ROBO1: variants seen among roughly 807,000 people sequenced by gnomAD.
ROBO1 encodes roundabout homolog 1.
Under a neutral mutation model 195.9 loss-of-function variants are expected in ROBO1, and 149 were observed. The ratio of observed to expected loss-of-function variants is 0.76; its 90% CI spans 0.67 to 0.87. The LOEUF (loss-of-function observed/expected upper bound fraction) is 0.87, where lower values mean the gene tolerates loss of function less well. Among genes scored for constraint, ROBO1 ranks in the 40% least tolerant of loss-of-function variants. The pLI is 0.00. For missense variants in ROBO1, 1,933 were observed against 2,068.3 expected (o/e 0.93, Z 1.27); for synonymous variants, 816 against 733.2 (o/e 1.11, Z -1.82).
chr3:78,765,902 T>C (rs955134341), intron 4 of ROBO1, among the ~76,000 whole-genome samples: 3 of 152,188 alleles, frequency 2.0e-5, no homozygotes, highest in African/African-American at 4.8e-5. Context: ...TTAAACTTAA[T>C]CATCTGCTGA....
chr3:79,144,124 T>C (rs1293235026), intron 2 of ROBO1, among the ~76,000 whole-genome samples: 4 of 152,098 alleles, frequency 2.6e-5, no homozygotes, highest in African/African-American at 9.7e-5. Flanking sequence ...ATGTGGGTAG[T>C]TTCCAGTTTT....
At chr3:79,220,642 G>A (rs938169735) in intron 2 of ROBO1, among the ~76,000 whole-genome samples, 8 of 151,890 alleles carry the variant, frequency 5.3e-5, no homozygotes, top group Non-Finnish European at 1.2e-4. Flanking sequence ...CCAGGAAGGA[G>A]CCCAGTTTTG....
intron 3 of ROBO1, among the ~76,000 whole-genome samples, chr3:78,943,747 T>C (rs912630398): frequency 6.6e-6 from 1 of 152,184 alleles, no homozygotes; most frequent in Non-Finnish European, 1.5e-5. Flanking sequence ...AGAGAAAATA[T>C]ACACTATCAA....
intron 1 of ROBO1, among the ~76,000 whole-genome samples, chr3:79,668,686 T>C (rs576394605): frequency 1.3e-5 from 2 of 151,666 alleles, no homozygotes; most frequent in South Asian, 4.2e-4. Flanking sequence ...ACACGCATTA[T>C]ACATGTATAT....
chr3:79,572,265 A>T (rs1297499516), intron 2 of ROBO1, among the ~76,000 whole-genome samples: 3 of 152,094 alleles, frequency 2.0e-5, no homozygotes, highest in African/African-American at 7.2e-5. Context: ...TAAATATTCA[A>T]AATTCAATGA....
chr3:78,605,224 C>T (rs1478963850), intron 29 of ROBO1, among the ~76,000 whole-genome samples: 1 of 152,170 alleles, frequency 6.6e-6, no homozygotes, highest in African/African-American at 2.4e-5. Flanking sequence ...CTTTATAGGA[C>T]ACTATTTTCA....
chr3:79,677,473 A>G (rs1278685532), intron 1 of ROBO1, among the ~76,000 whole-genome samples: 1 of 152,036 alleles, frequency 6.6e-6, no homozygotes, highest in Non-Finnish European at 1.5e-5. Flanking sequence ...GAGCTTGTGC[A>G]GGCAAACTCC....
chr3:79,172,808 C>A (rs553744536), intron 2 of ROBO1, among the ~76,000 whole-genome samples: 1 of 152,030 alleles, frequency 6.6e-6, no homozygotes, highest in Admixed American at 6.6e-5. Context: ...GACATTTGTT[C>A]TTTTAGTTTA....
At chr3:79,678,505 G>T (rs1946850184) in intron 1 of ROBO1, among the ~76,000 whole-genome samples, 1 of 151,956 alleles carries the variant, frequency 6.6e-6, no homozygotes, top group South Asian at 2.1e-4. Flanking sequence ...GAAATAATTT[G>T]TAGACACTTT....
At chr3:78,674,693 C>T (rs980374154) in intron 10 of ROBO1, among the ~76,000 whole-genome samples, 11 of 152,068 alleles carry the variant, frequency 7.2e-5, no homozygotes, top group South Asian at 2.1e-4. Flanking sequence ...AAGGTCTATG[C>T]GTGATCTAGT....
intron 2 of ROBO1, among the ~76,000 whole-genome samples, chr3:79,378,606 TCCC>T (rs1196744231): frequency 6.6e-6 from 1 of 152,234 alleles, no homozygotes; most frequent in East Asian, 1.9e-4. Context: ...CCAATCTTTT[TCCC>T]TGTAAAATTA....
chr3:79,321,217 T>C (rs771307710), intron 2 of ROBO1, among the ~76,000 whole-genome samples: 35 of 152,052 alleles, frequency 2.3e-4, no homozygotes, highest in Non-Finnish European at 4.1e-4. Flanking sequence ...GTGTCAAAAA[T>C]TGTAAAGTAT....
intron 2 of ROBO1, among the ~76,000 whole-genome samples, chr3:79,223,361 T>G (rs1298904183): frequency 1.3e-5 from 2 of 152,174 alleles, no homozygotes; most frequent in Non-Finnish European, 2.9e-5. Context: ...TTCTTTTCAT[T>G]TAACCCTGCA....
At chr3:78,609,864 A>G (rs548148912) in intron 28 of ROBO1, among the ~76,000 whole-genome samples, 117 of 152,248 alleles carry the variant, frequency 7.7e-4, no homozygotes, top group African/African-American at 2.7e-3. Context: ...TTAAAAAATA[A>G]ATGAAACTTT....
chr3:78,704,022 G>T (rs1204360626), intron 8 of ROBO1, among the ~76,000 whole-genome samples: 1 of 151,998 alleles, frequency 6.6e-6, no homozygotes, highest in African/African-American at 2.4e-5. Flanking sequence ...AAAGCCTTGG[G>T]GGGGTCTCAT....
chr3:78,953,367 C>CA (rs111442167), intron 3 of ROBO1, among the ~76,000 whole-genome samples: 22,403 of 151,918 alleles, frequency 0.15, 2,463 homozygotes, highest in African/African-American at 0.32. Context: ...AAATACTGAA[C>CA]AAGTATATTT....
intron 3 of ROBO1, among the ~76,000 whole-genome samples, chr3:79,110,343 TGTG>T: frequency 6.6e-6 from 1 of 152,092 alleles, no homozygotes; most frequent in African/African-American, 2.4e-5. Flanking sequence ...TTTTCATTTC[TGTG>T]TGGCCTCTTG....
intron 3 of ROBO1, among the ~76,000 whole-genome samples, chr3:79,109,206 T>G (rs578143061): frequency 6.6e-6 from 1 of 151,854 alleles, no homozygotes; most frequent in Non-Finnish European, 1.5e-5. Context: ...TTGGGGGTAC[T>G]TATTCAAAGT....
At chr3:79,199,954 T>G (rs1355916288) in intron 2 of ROBO1, among the ~76,000 whole-genome samples, 2 of 151,776 alleles carry the variant, frequency 1.3e-5, no homozygotes, top group Admixed American at 1.3e-4. Context: ...ATTCGAATGG[T>G]TATTCTGACT....
Sources: allele counts gnomAD v4.1 joint callset (sites outside exome capture counted in the v4.1 genomes callset), GRCh38; gene constraint gnomAD v4.1.1; transcripts MANE v1.5; gene names NCBI Gene and HGNC (gene_info 2026-07-23, HGNC 2026-07-21).